Variants in ASIC2 observed in about 807,000 individuals in gnomAD.
The protein encoded by ASIC2 is acid sensing ion channel subunit 2.
ASIC2 carries 25 observed loss-of-function variants against 57.3 expected under a neutral mutation model. That is an observed-to-expected ratio of 0.44 (90% confidence interval 0.32 to 0.61). The LOEUF (loss-of-function observed/expected upper bound fraction) is 0.61. Among genes scored for constraint, ASIC2 ranks in the 20% least tolerant of loss-of-function variants. The pLI is 0.06. For missense variants in ASIC2, 641 were observed against 738.1 expected (o/e 0.87, Z 1.52); for synonymous variants, 319 against 307.5 (o/e 1.04, Z -0.39).
At chr17:33,960,001 A>T (rs68027870) in intron 1 of ASIC2, among the ~76,000 whole-genome samples, 51,962 of 151,930 alleles carry the variant, frequency 0.34, 9,078 homozygotes, top group African/African-American at 0.38. Flanking sequence ...GTCTATGCTA[A>T]TCACACTGCC....
chr17:33,451,785 G>A (rs181937725), intron 1 of ASIC2, among the ~76,000 whole-genome samples: 2 of 152,192 alleles, frequency 1.3e-5, no homozygotes, highest in African/African-American at 4.8e-5. Flanking sequence ...CTTTCATCAG[G>A]ACCTGACCTA....
intron 1 of ASIC2, among the ~76,000 whole-genome samples, chr17:34,117,354 A>C (rs759595371): frequency 6.6e-6 from 1 of 152,180 alleles, no homozygotes; most frequent in Non-Finnish European, 1.5e-5. Flanking sequence ...CATTCAGAGA[A>C]CTCACAGAGG....
chr17:33,555,414 C>T (rs1915877896), intron 1 of ASIC2, among the ~76,000 whole-genome samples: 1 of 102,144 alleles, frequency 9.8e-6, no homozygotes, highest in African/African-American at 5.4e-5. Flanking sequence ...CTTGGGGGTG[C>T]AAAGTGAGAC....
intron 1 of ASIC2, among the ~76,000 whole-genome samples, chr17:33,192,452 A>G (rs1168557144): frequency 7.3e-6 from 1 of 137,552 alleles, no homozygotes; most frequent in Non-Finnish European, 1.6e-5. Context: ...AACAAAACAA[A>G]ACACAACCAA....
intron 1 of ASIC2, chr17:33,980,955 T>TTTTTTTTTTTTTTTTTTTTTTTTTC (rs1905597087): frequency 6.7e-6 from 1 of 149,206 alleles, no homozygotes; most frequent in East Asian, 2.0e-4. Context: ...TTTTTTTTTT[T>TTTTTTTTTTTTTTTTTTTTTTTTTC]AGACAGAATC....
intron 3 of ASIC2, among the ~76,000 whole-genome samples, chr17:33,071,329 A>G (rs1329872185): frequency 6.6e-6 from 1 of 152,174 alleles, no homozygotes; most frequent in Non-Finnish European, 1.5e-5. Flanking sequence ...CCTCAAGTTA[A>G]CTAATCTTTT....
At chr17:33,796,071 T>C (rs1230355333) in intron 1 of ASIC2, among the ~76,000 whole-genome samples, 1 of 152,252 alleles carries the variant, frequency 6.6e-6, no homozygotes, top group Non-Finnish European at 1.5e-5. Context: ...CATTTTCCAC[T>C]TAATAGGCCA....
chr17:33,575,845 C>T (rs1277734694), intron 1 of ASIC2, among the ~76,000 whole-genome samples: 1 of 152,126 alleles, frequency 6.6e-6, no homozygotes, highest in Non-Finnish European at 1.5e-5. Flanking sequence ...GCAAGGGGCT[C>T]TTTAAACATG....
At chr17:33,510,028 A>C (rs1914384555) in intron 1 of ASIC2, among the ~76,000 whole-genome samples, 1 of 152,182 alleles carries the variant, frequency 6.6e-6, no homozygotes, top group Admixed American at 6.5e-5. Context: ...AGCCCTCCAG[A>C]GGGAGGTAGT....
At chr17:33,175,842 C>T (rs1290149197) in intron 1 of ASIC2, among the ~76,000 whole-genome samples, 1 of 152,154 alleles carries the variant, frequency 6.6e-6, no homozygotes, top group Admixed American at 6.5e-5. Context: ...GTATTCTCCA[C>T]CTTGCGGCCA....
At chr17:33,556,645 G>T (rs1382045291) in intron 1 of ASIC2, among the ~76,000 whole-genome samples, 4 of 152,166 alleles carry the variant, frequency 2.6e-5, no homozygotes, top group African/African-American at 9.7e-5. Context: ...ACCCAAGTTT[G>T]GTAATGAGTG....
intron 1 of ASIC2, among the ~76,000 whole-genome samples, chr17:33,748,359 G>A (rs1179297055): frequency 6.6e-6 from 1 of 152,240 alleles, no homozygotes; most frequent in African/African-American, 2.4e-5. Flanking sequence ...CTTCAGTGCA[G>A]GGGCTTGGCC....
chr17:34,034,578 GT>G (rs1323008636), intron 1 of ASIC2, among the ~76,000 whole-genome samples: 11 of 152,192 alleles, frequency 7.2e-5, no homozygotes, highest in Non-Finnish European at 1.2e-4. Context: ...AATTGTCCCT[GT>G]TTGCAGATGA....
chr17:33,014,132 C>A, intron 9 of ASIC2, 66 bp from the exon 10 acceptor site: 1 of 1,297,110 alleles, frequency 7.7e-7, no homozygotes, highest in South Asian at 1.3e-5. Context: ...ATGCCACCAG[C>A]GGCCCAGCCT....
intron 1 of ASIC2, among the ~76,000 whole-genome samples, chr17:34,063,648 A>G (rs1909053105): frequency 6.6e-6 from 1 of 152,162 alleles, no homozygotes; most frequent in Non-Finnish European, 1.5e-5. Flanking sequence ...AGCTCCTAGA[A>G]CTGATAAAAG....
rs553036235 is a variant in ASIC2 at position 33,479,806 on chromosome 17, C to T, written c.556-367739G>A. Among the ~76,000 whole-genome samples, 11 of 152,232 alleles carry T rather than the reference C, an allele frequency of 7.2e-5. No individual in the cohort carries two copies. In the South Asian group the frequency reaches 1.5e-3, roughly 20 times the overall value. On this transcript the variant is annotated intron_variant, in intron 1 of 9. Coordinates refer to the ASIC2 transcript ENST00000359872. ...GCTTTCATCTGAGCAAGGCCCTGTG[C>T]CCCCCTCCCCAATCCACCCTTTCCC... is the stretch of plus-strand genomic sequence containing the variant.
intron 1 of ASIC2, among the ~76,000 whole-genome samples, chr17:34,014,100 T>C (rs538221388): frequency 1.3e-5 from 2 of 152,282 alleles, no homozygotes; most frequent in South Asian, 4.1e-4. Flanking sequence ...ATGGTGATAG[T>C]TTGGGGGAGT....
At chr17:33,707,697 T>C (rs530661769) in intron 1 of ASIC2, among the ~76,000 whole-genome samples, 24 of 152,354 alleles carry the variant, frequency 1.6e-4, no homozygotes, top group African/African-American at 5.3e-4. Flanking sequence ...GCTCCTTTAC[T>C]CTGTTTATCT....
intron 1 of ASIC2, among the ~76,000 whole-genome samples, chr17:33,547,993 G>T (rs553284190): frequency 6.6e-6 from 1 of 152,192 alleles, no homozygotes; most frequent in Admixed American, 6.5e-5. Context: ...CAAGATACAG[G>T]TTCAGTGTCA....
Sources: gnomAD v4.1 joint callset for allele counts (sites outside exome capture counted in the v4.1 genomes callset) on GRCh38, gnomAD v4.1.1 for gene constraint, MANE v1.5 for transcripts, NCBI Gene and HGNC (gene_info 2026-07-23, HGNC 2026-07-21) for gene names.